Variants in EXOSC7 observed in about 807,000 individuals in gnomAD.
EXOSC7 encodes exosome component 7.
In EXOSC7, 25 loss-of-function variants were observed where a neutral mutation model predicts 34.3. That is an observed-to-expected ratio of 0.73 (90% CI 0.53 to 1.02). The LOEUF is 1.02. EXOSC7 is among the 50% of genes least tolerant of loss of function. The probability of loss-of-function intolerance (pLI) is 0.00; values close to 1 mark genes in which losing one functional copy is unlikely to be tolerated. For synonymous variants in EXOSC7, 130 were observed against 143.0 expected (o/e 0.91, Z 0.65); for missense variants, 370 against 368.5 (o/e 1.00, Z -0.03).
chr3:44,980,890 T>G (rs1706253896), intron 1 of EXOSC7, among the ~76,000 whole-genome samples: 1 of 152,244 alleles, frequency 6.6e-6, no homozygotes, highest in Admixed American at 6.5e-5. Context: ...CATAAACGAT[T>G]TACTCTGCCC....
intron 7 of EXOSC7, among the ~76,000 whole-genome samples, chr3:45,007,908 G>C (rs1707099667): frequency 6.6e-6 from 1 of 152,216 alleles, no homozygotes; most frequent in African/African-American, 2.4e-5. Flanking sequence ...AGGCCTTTGT[G>C]ACTTGATGAG....
Position 45,005,272 on chromosome 3 carries a change from C to A in EXOSC7, c.492-19C>A, listed in dbSNP as rs888667026. ...TTTCCTCCTCCAAGTGGGAATTTTA[C>A]TAGTGCTTCTGCTTCCAGGATACCA... On this transcript the variant is annotated intron_variant, in intron 5 of 7. Transcript: ENST00000265564. 4.3e-6 allele frequency: 7 copies of A among 1,613,434 alleles called. No homozygotes were observed. The highest frequency in any genetic ancestry group is 3.3e-5 in the Admixed American group (2 of 59,934).
At chr3:44,984,637 G>C (rs776598734) in intron 1 of EXOSC7, among the ~76,000 whole-genome samples, 11 of 152,208 alleles carry the variant, frequency 7.2e-5, no homozygotes, top group Non-Finnish European at 1.6e-4. Flanking sequence ...TGAGGCTTAA[G>C]TGCTACTTAC....
rs1057288978 is a variant in EXOSC7, at chr3:45,010,859, T to C, written c.772-376T>C. On this transcript the variant is annotated intron_variant, in intron 7 of 7. Coordinates refer to ENST00000265564, the MANE Select transcript of EXOSC7 (RefSeq NM_015004.4). ...GACTCTGGATTCCCTGTGGTCTCCCTATAGTACAGTGTCACCTGGCTGTAC... is the reference window on the plus strand; with the variant it reads ...GACTCTGGATTCCCTGTGGTCTCCCCATAGTACAGTGTCACCTGGCTGTAC... Among the ~76,000 whole-genome samples the C allele has an allele frequency of 4.6e-5, 7 of 152,182 alleles. No homozygotes were observed. The East Asian group carries it at 1.4e-3, about 29-fold the overall frequency.
intron 1 of EXOSC7, among the ~76,000 whole-genome samples, chr3:44,988,472 T>G (rs1706479451): frequency 6.6e-6 from 1 of 152,182 alleles, no homozygotes; most frequent in Non-Finnish European, 1.5e-5. Flanking sequence ...AAGGACTGGA[T>G]AGTAAAGATT....
At chr3:44,983,180 G>T (rs1706317465) in intron 1 of EXOSC7, among the ~76,000 whole-genome samples, 1 of 152,162 alleles carries the variant, frequency 6.6e-6, no homozygotes, top group Non-Finnish European at 1.5e-5. Context: ...AGGGAAAGTA[G>T]GTCTGTGCTT....
In EXOSC7 at chr3:45,001,627, A is replaced by C. The variant is rs1706883344; in HGVS notation, c.491+19A>C. The C allele has an allele frequency of 6.3e-7, 1 of 1,578,128 alleles. No homozygotes were observed. The highest frequency in any genetic ancestry group is 1.3e-5 in the African/African-American group (1 of 74,178). ...ATACAAGGTAAGTCTTCCTAGAAACAGCTCTGCGAACCTGTGGAGAACCAG... is the reference window on the plus strand; with the variant it reads ...ATACAAGGTAAGTCTTCCTAGAAACCGCTCTGCGAACCTGTGGAGAACCAG... On this transcript the variant is annotated intron_variant, in intron 5 of 7. Coordinates refer to ENST00000265564, the MANE Select transcript of EXOSC7 (RefSeq NM_015004.4).
chr3:45,005,524 T>A, intron 6 of EXOSC7, 110 bp downstream of exon 6: 1 of 1,060,778 alleles, frequency 9.4e-7, no homozygotes, highest in Non-Finnish European at 1.3e-6. Context: ...CCACACACCA[T>A]ATAGAAGTAG....
At chr3:44,990,817 C>G (rs2125965725) in intron 3 of EXOSC7, among the ~76,000 whole-genome samples, 1 of 152,302 alleles carries the variant, frequency 6.6e-6, no homozygotes, top group South Asian at 2.1e-4. Flanking sequence ...TGGACTACCC[C>G]CATCAGTTTA....
In EXOSC7 at chr3:45,006,566, G is replaced by A. The variant is rs1185955775; in HGVS notation, c.616-854G>A. ...CGAGTAGCTGGGACTACAGGCGCCC[G>A]CCACCGCGCCTGGCTAATTTTTTGT... On this transcript the variant is annotated intron_variant, in intron 6 of 7. Coordinates refer to ENST00000265564, the MANE Select transcript of EXOSC7 (RefSeq NM_015004.4). Among the ~76,000 whole-genome samples the A allele has an allele frequency of 5.4e-5, 8 of 149,462 alleles. No individual in the cohort carries two copies. In the South Asian group the frequency reaches 6.5e-4, roughly 12 times the overall value.
intron 4 of EXOSC7, among the ~76,000 whole-genome samples, chr3:45,000,052 G>GTT (rs556955311): frequency 1.3e-5 from 2 of 152,100 alleles, no homozygotes; most frequent in Non-Finnish European, 2.9e-5. Context: ...TCCAGTATTG[G>GTT]TTTTTTTCCC....
intron 1 of EXOSC7, among the ~76,000 whole-genome samples, chr3:44,986,728 G>A (rs1303802912): frequency 6.6e-6 from 1 of 152,194 alleles, no homozygotes; most frequent in African/African-American, 2.4e-5. Flanking sequence ...CCTGATTTGT[G>A]ATGTTTATTT....
At chr3:44,978,550 A>G (rs1488663473) in intron 1 of EXOSC7, among the ~76,000 whole-genome samples, 1 of 152,186 alleles carries the variant, frequency 6.6e-6, no homozygotes, top group Admixed American at 6.5e-5. Context: ...TTTATATATA[A>G]AATTGTACTG....
chr3:45,012,215 T>C (rs1329035966), downstream of EXOSC7: 3 of 152,156 alleles, frequency 2.0e-5, no homozygotes, highest in Admixed American at 6.5e-5. Flanking sequence ...TAAAACACCC[T>C]GGGGAAGGAG....
At chr3:45,000,409 TTTTC>T (rs1377438033) in intron 4 of EXOSC7, among the ~76,000 whole-genome samples, 1 of 152,230 alleles carries the variant, frequency 6.6e-6, no homozygotes, top group African/African-American at 2.4e-5. Context: ...ACTACATGAC[TTTTC>T]TTTCTATGTG....
chr3:44,989,637 G>A lies in EXOSC7; in HGVS notation c.247G>A (p.Val83Ile). ...KPNEGYLEFF[V>I]DCSASATPEF... is the part of the protein sequence containing the mutation. ...AAATGAAGGCTACTTGGAGTTCTTT[G>A]TTGACTGGTCAGTACTGTCTATGCA... The change falls in exon 3 of 8, where the codon GTT (valine) becomes ATT (isoleucine). Residue 83 changes from valine (V) to isoleucine (I), a missense_variant. This residue lies in a region of EXOSC7 where 20 missense variants were observed against 42.2 expected (regional missense o/e 0.47). Coordinates refer to ENST00000265564, the MANE Select transcript of EXOSC7 (RefSeq NM_015004.4). The A allele has an allele frequency of 1.2e-6, 2 of 1,610,646 alleles. No homozygotes were observed. Among genetic ancestry groups the A allele is most frequent in the East Asian group, 4.5e-5 (2 of 44,864 alleles).
rs1706501494 is a variant in EXOSC7 at position 44,989,202 on chromosome 3, TGTG to T, written c.124_126del (p.Val42del). On this transcript the variant is annotated inframe_deletion, in exon 2 of 8. Transcript: ENST00000265564. ...ACCGATGTGTCGAAGTGGAAACTGA[TGTG>T]GTGTCCAACACTAGTGGGTCCGCCA... The T allele has an allele frequency of 1.2e-6, 2 of 1,614,180 alleles. No homozygotes were observed. The highest frequency in any genetic ancestry group is 1.7e-6 in the Non-Finnish European group (2 of 1,180,026).
intron 5 of EXOSC7, chr3:45,004,195 C>T (rs1706963692): frequency 6.6e-6 from 1 of 151,974 alleles, no homozygotes; most frequent in South Asian, 2.1e-4. Context: ...AGTGTTTTAC[C>T]AGTTAACACT....
chr3:45,003,342 CGTGCGTGCGTGT>C (rs796797604), intron 5 of EXOSC7, among the ~76,000 whole-genome samples: 5 of 80,370 alleles, frequency 6.2e-5, no homozygotes, highest in Admixed American at 1.4e-4. Flanking sequence ...TGCGTGCGTG[CGTGCGTGCGTGT>C]GTGTGTGTAT....
Sources: gnomAD v4.1 joint callset for allele counts (sites outside exome capture counted in the v4.1 genomes callset) on GRCh38, gnomAD v4.1.1 for gene constraint, gnomAD v4.1.1 regional missense constraint, MANE v1.5 for transcripts, NCBI Gene and HGNC (gene_info 2026-07-23, HGNC 2026-07-21) for gene names.